The following RHBDF2 variants were observed in gnomAD, a reference collection of about 807,000 sequenced individuals.
The protein encoded by RHBDF2 is rhomboid 5 homolog 2.
Under a neutral mutation model 95.2 loss-of-function variants are expected in RHBDF2, and 38 were observed. That is an observed-to-expected ratio of 0.40 (90% CI 0.31 to 0.52). RHBDF2 has a LOEUF of 0.52. RHBDF2 is among the 20% of genes least tolerant of loss of function. RHBDF2 has a pLI of 0.56. For synonymous variants in RHBDF2, 442 were observed against 462.0 expected (o/e 0.96, Z 0.55); for missense variants, 863 against 1,137.7 (o/e 0.76, Z 3.47).
At chr17:76,484,375 C>A (rs974119696) in intron 2 of RHBDF2, among the ~76,000 whole-genome samples, 1 of 152,172 alleles carries the variant, frequency 6.6e-6, no homozygotes, top group Non-Finnish European at 1.5e-5. Flanking sequence ...GCCAGGGACT[C>A]CATACCCATC....
chr17:76,471,943 G>A lies in RHBDF2; in HGVS notation c.2174C>T (p.Ala725Val), dbSNP rs1455866928. 3 of 1,571,290 alleles carry A rather than the reference G, an allele frequency of 1.9e-6. No individual in the cohort carries two copies. The Admixed American group carries it at 5.7e-5, about 30-fold the overall frequency. ...ACAGATGAACAGGAAGAGCACGATGGCCGAGAGGTTGAGGAAGGCCTTCCA... is the reference window on the plus strand; with the variant it reads ...ACAGATGAACAGGAAGAGCACGATGACCGAGAGGTTGAGGAAGGCCTTCCA... ...RPWKAFLNLS[A>V]IVLFLFICGL... The change falls in exon 19 of 19, where the codon GCC becomes GTC. Residue 725 changes from alanine (A) to valine (V), a missense_variant. Physicochemically the swap from Ala to Val is moderately conservative, Grantham distance 64. Around this residue, in one of 2 missense-constraint regions of RHBDF2, gnomAD observed 252 missense variants for 412.2 expected, o/e 0.61. Coordinates refer to ENST00000675367, the MANE Select transcript of RHBDF2 (RefSeq NM_001005498.4).
At chr17:76,489,027 G>A (rs1426307282) in intron 1 of RHBDF2, among the ~76,000 whole-genome samples, 1 of 152,074 alleles carries the variant, frequency 6.6e-6, no homozygotes, top group Non-Finnish European at 1.5e-5. Flanking sequence ...TCGGGAGGCT[G>A]AGGCAGGAGA....
At chr17:76,476,687 G>A (rs559458046) in intron 9 of RHBDF2, 143 bp downstream of exon 9, 36 of 1,267,770 alleles carry the variant, frequency 2.8e-5, no homozygotes, top group Admixed American at 5.5e-5. Context: ...GACAGGGTGC[G>A]CCTTCGAGCT....
chr17:76,501,135 G>C (rs1191497602), intron 1 of RHBDF2: 3 of 152,240 alleles, frequency 2.0e-5, no homozygotes, highest in Non-Finnish European at 4.4e-5. Flanking sequence ...CCAGCAGACC[G>C]GGTCCAGCGG....
chr17:76,486,922 G>C (rs953050331), intron 2 of RHBDF2, among the ~76,000 whole-genome samples: 2 of 147,984 alleles, frequency 1.4e-5, no homozygotes, highest in African/African-American at 5.0e-5. Flanking sequence ...GCCCCACCTT[G>C]AGCAGTGCCG....
chr17:76,491,956 G>A (rs986452528), intron 1 of RHBDF2, among the ~76,000 whole-genome samples: 1 of 152,178 alleles, frequency 6.6e-6, no homozygotes, highest in African/African-American at 2.4e-5. Context: ...GACATCCTGG[G>A]ACCAGGCTTC....
intron 1 of RHBDF2, among the ~76,000 whole-genome samples, chr17:76,496,571 G>A (rs2074430974): frequency 6.6e-6 from 1 of 152,160 alleles, no homozygotes; most frequent in Non-Finnish European, 1.5e-5. Flanking sequence ...TAACTGCCTG[G>A]GCAGCACTGC....
chr17:76,473,177 G>A (rs1418358890), intron 16 of RHBDF2, 72 bp from the exon 17 acceptor site: 2 of 1,585,382 alleles, frequency 1.3e-6, no homozygotes, highest in Non-Finnish European at 1.7e-6. Context: ...GGGAGGGAGT[G>A]CGTGAGCCCC....
Position 76,494,196 on chromosome 17 carries a change from C to A in RHBDF2, c.-219-6287G>T, listed in dbSNP as rs75353747. Reference sequence around the variant, plus strand: ...CTGACGCCCCCTCTGCACCAACCATCTGGGCTTTCTCAGGACCAGTTGCCA... The same window carrying A: ...CTGACGCCCCCTCTGCACCAACCATATGGGCTTTCTCAGGACCAGTTGCCA... On this transcript the variant is annotated intron_variant, in intron 1 of 18. Transcript: ENST00000675367. Among the ~76,000 whole-genome samples, 506 of 152,292 alleles carry A rather than the reference C, an allele frequency of 3.3e-3. 2 individuals are homozygous for A. Among genetic ancestry groups the A allele is most frequent in the African/African-American group, 0.011 (468 of 41,554 alleles).
At chr17:76,492,173 A>G (rs2074317061) in intron 1 of RHBDF2, among the ~76,000 whole-genome samples, 1 of 151,884 alleles carries the variant, frequency 6.6e-6, no homozygotes. Context: ...GGTGGGACAG[A>G]CTCTATTTCC....
intron 2 of RHBDF2, among the ~76,000 whole-genome samples, chr17:76,482,892 G>A (rs959090034): frequency 1.3e-5 from 2 of 151,328 alleles, no homozygotes; most frequent in East Asian, 2.0e-4. Context: ...TCACACAGCT[G>A]TGTGTGGTGG....
chr17:76,494,361 C>T (rs932276016), intron 1 of RHBDF2, among the ~76,000 whole-genome samples: 12 of 152,168 alleles, frequency 7.9e-5, no homozygotes, highest in African/African-American at 2.9e-4. Context: ...GGGGTGGGCA[C>T]CAAAGGAGGT....
In RHBDF2 at chr17:76,478,806, C is replaced by T; in HGVS notation, c.672G>A (p.Lys224=). The T allele has an allele frequency of 6.2e-7, 1 of 1,610,832 alleles. No individual in the cohort carries two copies. The highest frequency in any genetic ancestry group is 8.5e-7 in the Non-Finnish European group (1 of 1,178,514). Reference sequence around the variant, plus strand: ...GGCCCTGCAGGAGGGAGCCCCGCACCTTGAGGAGGGCAGCGGCAGCTTGCA... The same window carrying T: ...GGCCCTGCAGGAGGGAGCCCCGCACTTTGAGGAGGGCAGCGGCAGCTTGCA... The part of the protein sequence containing the change: ...MSLQAAAALL[K]GRSVLDATGQ... The change falls in exon 6 of 19, where the codon AAG becomes AAA. Residue 224 remains lysine, a splice_region_variant and synonymous_variant. Coordinates refer to ENST00000675367, the MANE Select transcript of RHBDF2 (RefSeq NM_001005498.4).
At chr17:76,479,365 C>T (rs1425717019) in intron 4 of RHBDF2, 88 bp from the exon 5 acceptor site, 6 of 1,523,788 alleles carry the variant, frequency 3.9e-6, no homozygotes, top group Non-Finnish European at 5.3e-6. Flanking sequence ...CACGTGTGTG[C>T]CCGCGTGCCT....
At chr17:76,474,620 C>G (rs761596191) in intron 11 of RHBDF2, 86 bp from the exon 12 acceptor site, 2 of 1,610,350 alleles carry the variant, frequency 1.2e-6, no homozygotes, top group Non-Finnish European at 1.7e-6. Flanking sequence ...CCCGCAGAGT[C>G]TCCCCTGATG....
Position 76,479,870 on chromosome 17 carries a change from G to A in RHBDF2, c.151-16C>T. Reference sequence around the variant, plus strand: ...GGTTCTTCCTCTTGGGGAGGAAGGAGGGAGGGCAGGCGGTGGTGTGTGCAG... The same window carrying A: ...GGTTCTTCCTCTTGGGGAGGAAGGAAGGAGGGCAGGCGGTGGTGTGTGCAG... On this transcript the variant is annotated splice_polypyrimidine_tract_variant and intron_variant, in intron 3 of 18. Coordinates refer to ENST00000675367, the MANE Select transcript of RHBDF2 (RefSeq NM_001005498.4). 6.2e-7 allele frequency: 1 copy of A among 1,611,652 alleles called. No individual in the cohort carries two copies. The highest frequency in any genetic ancestry group is 8.5e-7 in the Non-Finnish European group (1 of 1,179,230).
At chr17:76,481,292 G>A in intron 3 of RHBDF2, 83 bp downstream of exon 3, 3 of 1,464,856 alleles carry the variant, frequency 2.0e-6, no homozygotes, top group Non-Finnish European at 2.8e-6. Flanking sequence ...GCCCCTCTGG[G>A]AAGTGAAACT....
chr17:76,479,270 C>T lies in RHBDF2; in HGVS notation c.280G>A (p.Ala94Thr), dbSNP rs748711322. The change falls in exon 5 of 19, where the codon GCC becomes ACC. Residue 94 changes from alanine to threonine, a missense_variant. By Grantham distance (58) the Ala-to-Thr change is moderately conservative. Around this residue, in one of 2 missense-constraint regions of RHBDF2, gnomAD observed 611 missense variants for 725.5 expected, o/e 0.84. Coordinates refer to ENST00000675367, the MANE Select transcript of RHBDF2 (RefSeq NM_001005498.4). ...SLSQSIRKGAAQWFGVSGDWE... is the reference protein window; with the variant it reads ...SLSQSIRKGATQWFGVSGDWE... The stretch of plus-strand genomic sequence containing the variant: ...TCGCCGCTGACTCCAAACCACTGGG[C>T]TGCGCCCCTGCGGAAGCAGACAAGG... 5.0e-6 allele frequency: 8 copies of T among 1,597,416 alleles called. No homozygotes were observed. Among genetic ancestry groups the T allele is most frequent in the Middle Eastern group, 1.7e-4 (1 of 6,030 alleles).
intron 1 of RHBDF2, among the ~76,000 whole-genome samples, chr17:76,491,563 G>A (rs1216670359): frequency 1.3e-5 from 2 of 152,212 alleles, no homozygotes; most frequent in Non-Finnish European, 2.9e-5. Flanking sequence ...CAAGAGGCCT[G>A]GGCAGCGGCC....
Sources: gnomAD v4.1 joint callset for allele counts (sites outside exome capture counted in the v4.1 genomes callset) on GRCh38, gnomAD v4.1.1 for gene constraint, gnomAD v4.1.1 regional missense constraint, MANE v1.5 for transcripts, NCBI Gene and HGNC (gene_info 2026-07-23, HGNC 2026-07-21) for gene names.